The following ABHD12 variants were observed in gnomAD, a reference collection of about 807,000 sequenced individuals.
The protein encoded by ABHD12 is lysophosphatidylserine lipase ABHD12.
ABHD12 carries 43 observed loss-of-function variants against 58.3 expected under a neutral mutation model. The observed-to-expected ratio is 0.74, with a 90% CI of 0.58 to 0.95. The LOEUF is 0.95. Among genes scored for constraint, ABHD12 ranks in the 40% least tolerant of loss-of-function variants. ABHD12 has a pLI of 0.00. For missense variants in ABHD12, 539 were observed against 537.2 expected, an observed-to-expected ratio of 1.00 and a Z score of -0.03; for synonymous variants, 219 against 211.2, an observed-to-expected ratio of 1.04 and a Z score of -0.32.
intron 4 of ABHD12, among the ~76,000 whole-genome samples, chr20:25,317,663 C>A (rs1225725554): frequency 6.6e-6 from 1 of 152,268 alleles, no homozygotes; most frequent in Non-Finnish European, 1.5e-5. Context: ...CCCAGGGAGG[C>A]CCTGAAGTGC....
chr20:25,338,243 T>C (rs6050542), intron 2 of ABHD12, among the ~76,000 whole-genome samples: 83,538 of 151,810 alleles, frequency 0.55, 23,598 homozygotes, highest in Admixed American at 0.62. Flanking sequence ...TCCACCAGCT[T>C]ACCTGCTGCC....
downstream of ABHD12, among the ~76,000 whole-genome samples, chr20:25,299,111 C>G (rs2088594996): frequency 6.6e-6 from 1 of 152,234 alleles, no homozygotes. Context: ...AAAAAAGACA[C>G]TAGTAGCTTG....
chr20:25,358,787 G>A (rs928405254), intron 1 of ABHD12, among the ~76,000 whole-genome samples: 2 of 152,196 alleles, frequency 1.3e-5, no homozygotes, highest in African/African-American at 4.8e-5. Flanking sequence ...AGACAGCACT[G>A]TGCCACACCA....
downstream of ABHD12, chr20:25,296,530 C>T (rs2088549101): frequency 6.2e-7 from 1 of 1,610,096 alleles, no homozygotes; most frequent in East Asian, 2.2e-5. Flanking sequence ...TAGGCACACC[C>T]TGCCTTGGCG....
chr20:25,376,202 G>A (rs766257509), intron 1 of ABHD12, among the ~76,000 whole-genome samples: 9 of 152,234 alleles, frequency 5.9e-5, no homozygotes, highest in Non-Finnish European at 1.3e-4. Context: ...AAATTGTTGA[G>A]GAAAAGTGTT....
chr20:25,383,397 T>C (rs1197060006), intron 1 of ABHD12, among the ~76,000 whole-genome samples: 5 of 152,152 alleles, frequency 3.3e-5, no homozygotes, highest in African/African-American at 9.7e-5. Context: ...GGTTGGGAGT[T>C]GGAGGATAAA....
rs191441190 is a variant in ABHD12, at chr20:25,322,011, T to C, written c.422+1314A>G. On this transcript the variant is annotated intron_variant, in intron 3 of 12. Coordinates refer to ENST00000339157, the MANE Select transcript of ABHD12 (RefSeq NM_001042472.3). ...ATTTAGAAGCTTCTCACATACACAG[T>C]GGTTTTCTGAGACAGTGGAAAGCGA... Among the ~76,000 whole-genome samples the C allele has an allele frequency of 3.5e-4, 53 of 152,322 alleles. No individual in the cohort carries two copies. In the Middle Eastern group the frequency reaches 0.01, roughly 29 times the overall value.
intron 11 of ABHD12, among the ~76,000 whole-genome samples, chr20:25,302,999 C>T (rs1290605615): frequency 6.6e-6 from 1 of 152,224 alleles, no homozygotes; most frequent in East Asian, 1.9e-4. Context: ...TCCAATCCAA[C>T]TTGCTGACAG....
At chr20:25,368,852 C>T (rs751028146) in intron 1 of ABHD12, 168 of 470,868 alleles carry the variant, frequency 3.6e-4, no homozygotes, top group Admixed American at 2.1e-3. Flanking sequence ...CTCAGACAGG[C>T]GCAGTGGCTC....
chr20:25,323,298 G>A, intron 3 of ABHD12, 27 bp downstream of exon 3: 3 of 1,455,266 alleles, frequency 2.1e-6, no homozygotes, highest in Non-Finnish European at 2.9e-6. Flanking sequence ...TGCTGCTGGA[G>A]GGGCTGCAGA....
At chr20:25,329,962 A>C (rs1374856206) in intron 2 of ABHD12, among the ~76,000 whole-genome samples, 2 of 152,268 alleles carry the variant, frequency 1.3e-5, no homozygotes, top group African/African-American at 4.8e-5. Context: ...GGGAGGAGCC[A>C]AGATGGCCAA....
At chr20:25,308,611 C>G (rs766588834) in intron 7 of ABHD12, 117 bp from the exon 8 acceptor site, 1 of 1,289,046 alleles carries the variant, frequency 7.8e-7, no homozygotes, top group South Asian at 1.3e-5. Context: ...ACTGGAGTTT[C>G]AGGACAGAGT....
chr20:25,308,060 A>G lies in ABHD12; in HGVS notation c.788-15T>C. 6.5e-7 allele frequency: 1 copy of G among 1,547,746 alleles called. No individual in the cohort carries two copies. Among genetic ancestry groups the G allele is most frequent in the Non-Finnish European group, 8.9e-7 (1 of 1,119,206 alleles). On this transcript the variant is annotated splice_polypyrimidine_tract_variant and intron_variant, in intron 8 of 12. Transcript: ENST00000339157. The stretch of plus-strand genomic sequence containing the variant: ...TGGAGGCGTCTCTAGATAAACAAAC[A>G]GGGAACTGAGAGGTAGGCAGGAAGC...
chr20:25,338,859 C>T, intron 2 of ABHD12: 1 of 1,074,266 alleles, frequency 9.3e-7, no homozygotes, highest in South Asian at 3.0e-5. Flanking sequence ...CAGCTGACTT[C>T]TCATGTTGTC....
chr20:25,339,178 A>G, intron 2 of ABHD12, 49 bp downstream of exon 2: 1 of 1,611,532 alleles, frequency 6.2e-7, no homozygotes, highest in African/African-American at 1.3e-5. Context: ...ATCACCATGA[A>G]AATGAACCCT....
rs755924680 is a variant in ABHD12, at chr20:25,303,592, G to A, written c.987C>T (p.His329=). ...AGGGCACCACCGGGTCGTCCTCAGC[G>A]TGCAGGATGAGCAGGGGACAGGAGA... ...KHISCPLLIL[H]AEDDPVVPFQ... The change falls in exon 11 of 13, where the codon CAC becomes CAT. Residue 329 remains histidine (H), a synonymous_variant. Coordinates refer to ENST00000339157, the MANE Select transcript of ABHD12 (RefSeq NM_001042472.3). 23 of 1,613,752 alleles carry A rather than the reference G, an allele frequency of 1.4e-5. No homozygotes were observed. The highest frequency in any genetic ancestry group is 1.6e-4 in the Middle Eastern group (1 of 6,084).
chr20:25,357,214 C>CA (rs1362708334), intron 1 of ABHD12, among the ~76,000 whole-genome samples: 3 of 152,182 alleles, frequency 2.0e-5, no homozygotes, highest in African/African-American at 7.2e-5. Flanking sequence ...CAGTCTCTCG[C>CA]AGGGGCCCCA....
chr20:25,331,691 C>T (rs982883958), intron 2 of ABHD12, among the ~76,000 whole-genome samples: 1,901 of 152,182 alleles, frequency 0.012, 42 homozygotes, highest in African/African-American at 0.043. Flanking sequence ...CAGAATTTCA[C>T]ATCCAGCCAA....
intron 2 of ABHD12, among the ~76,000 whole-genome samples, chr20:25,334,228 T>G (rs6076335): frequency 0.34 from 50,704 of 150,056 alleles, 10,573 homozygotes; most frequent in Non-Finnish European, 0.47. Flanking sequence ...AATAAAATAC[T>G]TAGGAATCCA....
Sources: gnomAD v4.1 joint callset for allele counts (sites outside exome capture counted in the v4.1 genomes callset) on GRCh38, gnomAD v4.1.1 for gene constraint, MANE v1.5 for transcripts, NCBI Gene and HGNC (gene_info 2026-07-23, HGNC 2026-07-21) for gene names.